Variants in UNC13C observed in about 807,000 individuals in gnomAD.
UNC13C encodes unc-13 homolog C.
A neutral mutation model predicts 245.4 loss-of-function variants in UNC13C; 174 were observed. The ratio of observed to expected loss-of-function variants is 0.71; its 90% confidence interval spans 0.63 to 0.80. The LOEUF (loss-of-function observed/expected upper bound fraction) is 0.80, where lower values mean the gene tolerates loss of function less well. UNC13C is among the 30% of genes least tolerant of loss of function. The probability of loss-of-function intolerance (pLI) is 0.00; values close to 1 mark genes in which losing one functional copy is unlikely to be tolerated. For missense variants in UNC13C, 2,829 were observed against 2,602.9 expected (o/e 1.09, Z -1.89); for synonymous variants, 992 against 895.1 (o/e 1.11, Z -1.93).
the UNC13C span, among the ~76,000 whole-genome samples, chr15:53,848,256 T>C: frequency 1.3e-5 from 2 of 152,164 alleles, no homozygotes; most frequent in African/African-American, 2.4e-5. Context: ...AATTTGCTCT[T>C]ATTTTTATAG....
At chr15:54,054,039 A>G (rs1051520609) in intron 2 of UNC13C, among the ~76,000 whole-genome samples, 2 of 152,194 alleles carry the variant, frequency 1.3e-5, no homozygotes, top group African/African-American at 2.4e-5. Context: ...ATAGACACTT[A>G]GGTTGCTTCC....
At chr15:54,269,837 C>G (rs1270130113) in intron 10 of UNC13C, among the ~76,000 whole-genome samples, 1 of 151,888 alleles carries the variant, frequency 6.6e-6, no homozygotes, top group Admixed American at 6.6e-5. Context: ...CTGGCAGTAA[C>G]AATATATGTA....
chr15:54,604,432 C>T (rs1899639540), intron 30 of UNC13C, among the ~76,000 whole-genome samples: 1 of 152,200 alleles, frequency 6.6e-6, no homozygotes, highest in South Asian at 2.1e-4. Context: ...TGTAACACCT[C>T]TGAGTTTAGG....
intron 4 of UNC13C, among the ~76,000 whole-genome samples, chr15:54,205,368 G>C (rs2140732354): frequency 6.6e-6 from 1 of 151,968 alleles, no homozygotes; most frequent in East Asian, 1.9e-4. Context: ...AAGACAATTT[G>C]TCTCAGCTTA....
At position 54,552,666 on chromosome 15, in the gene UNC13C, G is replaced by GTA. The variant is rs1179174079; in HGVS notation, c.5878-2765_5878-2764dup. Among the ~76,000 whole-genome samples, 8 of 63,136 alleles carry GTA rather than the reference G, an allele frequency of 1.3e-4. 1 individual carries two copies. In the East Asian group the frequency reaches 4.0e-3, roughly 32 times the overall value. 41.4% of individuals were successfully genotyped at this position (63,136 alleles called of 152,430 possible). A position where few individuals can be genotyped will look rare whatever the true frequency, so the allele number is the denominator to read the frequency against. On this transcript the variant is annotated intron_variant, in intron 28 of 32. Transcript: ENST00000260323. ...TATAATTATATAATTATATTATATT[G>GTA]TACTATATAATATAATTATATAATT...
chr15:53,856,379 T>TG, the UNC13C span, among the ~76,000 whole-genome samples: 42,289 of 151,802 alleles, frequency 0.28, 7,102 homozygotes, highest in Non-Finnish European at 0.36. Flanking sequence ...CTAGTTTTTT[T>TG]TTGTTGTTGT....
chr15:53,951,891 G>C, the UNC13C span, among the ~76,000 whole-genome samples: 1 of 152,190 alleles, frequency 6.6e-6, no homozygotes, highest in Non-Finnish European at 1.5e-5. Context: ...CTCTGTCCCA[G>C]TGGATCTGGA....
At chr15:54,566,352 A>G (rs9920497) in intron 29 of UNC13C, among the ~76,000 whole-genome samples, 3,816 of 152,238 alleles carry the variant, frequency 0.025, 150 homozygotes, top group African/African-American at 0.083. Flanking sequence ...ATAGTCCTCT[A>G]AATACTTTCT....
At position 54,455,075 on chromosome 15, in the gene UNC13C, A is replaced by C. The variant is rs1004506906; in HGVS notation, c.4934-39533A>C. The stretch of plus-strand genomic sequence containing the variant: ...TAGGATCTTTGGTTTTCCATTCCTG[A>C]GTTACTTCACTTAGAATAATGGTCT... On this transcript the variant is annotated intron_variant, in intron 19 of 32. Transcript: ENST00000260323. Among the ~76,000 whole-genome samples the C allele has an allele frequency of 4.7e-5, 7 of 147,486 alleles. No individual in the cohort carries two copies. The Admixed American group carries it at 4.8e-4, about 10-fold the overall frequency.
chr15:54,445,290 C>T (rs1011952863), intron 19 of UNC13C, among the ~76,000 whole-genome samples: 5 of 152,110 alleles, frequency 3.3e-5, no homozygotes, highest in African/African-American at 4.8e-5. Context: ...GTGCATGTGT[C>T]TCTGTAGCAG....
the UNC13C span, among the ~76,000 whole-genome samples, chr15:53,870,802 A>G: frequency 6.6e-6 from 1 of 152,172 alleles, no homozygotes; most frequent in Non-Finnish European, 1.5e-5. Context: ...CCAAGGTCAC[A>G]CAGCAATTAA....
chr15:54,378,366 A>G (rs1190937175), intron 17 of UNC13C, among the ~76,000 whole-genome samples: 2 of 152,032 alleles, frequency 1.3e-5, no homozygotes, highest in South Asian at 2.1e-4. Context: ...GATCTATTGC[A>G]TTTTTCTTTT....
chr15:54,230,046 C>T (rs939799918), intron 4 of UNC13C, among the ~76,000 whole-genome samples: 1 of 100,672 alleles, frequency 9.9e-6, no homozygotes, highest in Non-Finnish European at 2.1e-5. Context: ...TGATTTCATA[C>T]CCTGGCTATA....
chr15:53,902,667 G>T, the UNC13C span, among the ~76,000 whole-genome samples: 4 of 152,034 alleles, frequency 2.6e-5, no homozygotes, highest in Admixed American at 6.6e-5. Context: ...GTGCATAAGG[G>T]GGTATATAAT....
At chr15:53,958,373 T>G in the UNC13C span, among the ~76,000 whole-genome samples, 1 of 152,194 alleles carries the variant, frequency 6.6e-6, no homozygotes, top group Non-Finnish European at 1.5e-5. Context: ...TTTTCTCCAC[T>G]ACCACAATCA....
chr15:54,339,354 G>A (rs982477364), intron 17 of UNC13C, among the ~76,000 whole-genome samples: 1 of 151,898 alleles, frequency 6.6e-6, no homozygotes, highest in Non-Finnish European at 1.5e-5. Context: ...CTGAGATTTC[G>A]GTGCACCCAT....
chr15:53,907,756 G>C, the UNC13C span, among the ~76,000 whole-genome samples: 2 of 114,444 alleles, frequency 1.7e-5, no homozygotes, highest in Non-Finnish European at 4.3e-5. Context: ...TTAGCAGAGA[G>C]CAAGGTCTCT....
chr15:53,901,232 T>C, the UNC13C span, among the ~76,000 whole-genome samples: 1 of 148,684 alleles, frequency 6.7e-6, no homozygotes, highest in Non-Finnish European at 1.5e-5. Context: ...TTTTTTTTTT[T>C]TTTTTGAGAT....
At chr15:54,461,697 A>C (rs573929789) in intron 19 of UNC13C, among the ~76,000 whole-genome samples, 22 of 152,310 alleles carry the variant, frequency 1.4e-4, no homozygotes, top group African/African-American at 5.1e-4. Flanking sequence ...GATTCACTAA[A>C]TAAATAGACT....
Sources: gnomAD v4.1 joint callset for allele counts (sites outside exome capture counted in the v4.1 genomes callset) on GRCh38, gnomAD v4.1.1 for gene constraint, MANE v1.5 for transcripts, NCBI Gene and HGNC (gene_info 2026-07-23, HGNC 2026-07-21) for gene names.